FSTL4: variants seen among roughly 807,000 people sequenced by gnomAD.
FSTL4 encodes the protein follistatin-related protein 4.
A neutral mutation model predicts 78.2 loss-of-function variants in FSTL4; 28 were observed. The ratio of observed to expected loss-of-function variants is 0.36; its 90% CI spans 0.27 to 0.49. The LOEUF (loss-of-function observed/expected upper bound fraction) is 0.49. Ranked by LOEUF, FSTL4 falls within the 20% of genes least tolerant of loss-of-function variation. The pLI is 0.98. For missense variants in FSTL4, 922 were observed against 1,084.9 expected (o/e 0.85, Z 2.11); for synonymous variants, 422 against 440.5 (o/e 0.96, Z 0.53).
intron 4 of FSTL4, among the ~76,000 whole-genome samples, chr5:133,337,725 G>C (rs953664031): frequency 2.0e-5 from 3 of 152,202 alleles, no homozygotes; most frequent in Admixed American, 6.5e-5. Flanking sequence ...GGATGTTACA[G>C]AGTCGATGCT....
chr5:133,421,992 G>C (rs944660489), intron 3 of FSTL4, among the ~76,000 whole-genome samples: 2 of 152,230 alleles, frequency 1.3e-5, no homozygotes, highest in Admixed American at 1.3e-4. Flanking sequence ...AAGGTGGTCA[G>C]GGAGGGCTTC....
intron 6 of FSTL4, among the ~76,000 whole-genome samples, chr5:133,302,916 A>T (rs935944003): frequency 1.3e-5 from 2 of 152,194 alleles, no homozygotes. Flanking sequence ...AATGTTTGTC[A>T]AGCACCTACT....
chr5:133,788,586 C>A, the FSTL4 span, among the ~76,000 whole-genome samples: 1 of 152,206 alleles, frequency 6.6e-6, no homozygotes, highest in Non-Finnish European at 1.5e-5. Context: ...CCAAGTCCAG[C>A]CTCTCTGAGC....
At chr5:133,449,349 C>T (rs1446821573) in intron 3 of FSTL4, among the ~76,000 whole-genome samples, 3 of 152,168 alleles carry the variant, frequency 2.0e-5, no homozygotes, top group Middle Eastern at 3.2e-3. Context: ...TGTGGAGTTC[C>T]GTGGCATCAG....
chr5:133,676,448 GT>G, the FSTL4 span, among the ~76,000 whole-genome samples: 1 of 152,132 alleles, frequency 6.6e-6, no homozygotes, highest in African/African-American at 2.4e-5. Context: ...TTACTAATTA[GT>G]TTCTTCTTTC....
intron 6 of FSTL4, among the ~76,000 whole-genome samples, chr5:133,308,777 C>T (rs979493802): frequency 2.0e-5 from 3 of 152,146 alleles, no homozygotes; most frequent in Non-Finnish European, 4.4e-5. Context: ...TTGCCTGGAG[C>T]TTACACATGT....
the FSTL4 span, among the ~76,000 whole-genome samples, chr5:133,840,942 T>A: frequency 1.3e-5 from 2 of 152,246 alleles, no homozygotes. Context: ...CCAGGTTTGA[T>A]GGAGGCAGAG....
At chr5:133,271,656 G>A (rs1018021570) in intron 6 of FSTL4, among the ~76,000 whole-genome samples, 4 of 152,186 alleles carry the variant, frequency 2.6e-5, no homozygotes, top group African/African-American at 9.7e-5. Context: ...TAGAGAGTGA[G>A]TGAGACAAAA....
intron 3 of FSTL4, among the ~76,000 whole-genome samples, chr5:133,443,251 C>T (rs757941323): frequency 6.6e-6 from 1 of 152,228 alleles, no homozygotes; most frequent in South Asian, 2.1e-4. Flanking sequence ...TCTGAGATTT[C>T]TTCCAGGTGC....
chr5:133,727,477 G>A, the FSTL4 span, among the ~76,000 whole-genome samples: 3 of 152,178 alleles, frequency 2.0e-5, no homozygotes, highest in Admixed American at 1.3e-4. Context: ...GGCACACCTG[G>A]GGACCAGTCA....
At chr5:133,812,124 A>T in the FSTL4 span, among the ~76,000 whole-genome samples, 1 of 151,884 alleles carries the variant, frequency 6.6e-6, no homozygotes, top group Non-Finnish European at 1.5e-5. Flanking sequence ...ATAATCAGCC[A>T]CTCCACACAG....
chr5:133,709,818 A>G, the FSTL4 span, among the ~76,000 whole-genome samples: 1 of 152,230 alleles, frequency 6.6e-6, no homozygotes, highest in Admixed American at 6.5e-5. Flanking sequence ...GCTATCTGTG[A>G]GGATAGATCT....
chr5:133,664,574 A>C, the FSTL4 span, among the ~76,000 whole-genome samples: 1 of 152,164 alleles, frequency 6.6e-6, no homozygotes, highest in Non-Finnish European at 1.5e-5. Context: ...CCCACTCAGC[A>C]TCCTCTCACC....
intron 3 of FSTL4, among the ~76,000 whole-genome samples, chr5:133,536,863 C>T (rs1759359628): frequency 6.6e-6 from 1 of 152,102 alleles, no homozygotes; most frequent in South Asian, 2.1e-4. Context: ...AGAATTTATA[C>T]ATTCCTCTGT....
At chr5:133,568,128 AG>A (rs1303605690) in intron 2 of FSTL4, among the ~76,000 whole-genome samples, 3 of 152,222 alleles carry the variant, frequency 2.0e-5, no homozygotes, top group African/African-American at 7.2e-5. Context: ...ATGAAAATTC[AG>A]GGTAGCTCTA....
At chr5:133,782,171 G>C in the FSTL4 span, among the ~76,000 whole-genome samples, 2 of 152,250 alleles carry the variant, frequency 1.3e-5, no homozygotes, top group Non-Finnish European at 2.9e-5. Flanking sequence ...CAACCCATCT[G>C]TGGGAAAATA....
intron 3 of FSTL4, among the ~76,000 whole-genome samples, chr5:133,401,650 G>A (rs942776935): frequency 6.6e-6 from 1 of 152,200 alleles, no homozygotes; most frequent in African/African-American, 2.4e-5. Flanking sequence ...ATCAGGCAAA[G>A]AGCATGGGAG....
At chr5:133,630,768 G>T in the FSTL4 span, among the ~76,000 whole-genome samples, 1 of 152,166 alleles carries the variant, frequency 6.6e-6, no homozygotes, top group African/African-American at 2.4e-5. Flanking sequence ...AACCAAAACA[G>T]CATTGTACTG....
the FSTL4 span, among the ~76,000 whole-genome samples, chr5:133,632,992 T>C: frequency 6.6e-6 from 1 of 152,214 alleles, no homozygotes; most frequent in Non-Finnish European, 1.5e-5. Context: ...CTGCCCAGCC[T>C]CCACAGTTTT....
Sources: gnomAD v4.1 joint callset for allele counts (sites outside exome capture counted in the v4.1 genomes callset) on GRCh38, gnomAD v4.1.1 for gene constraint, MANE v1.5 for transcripts, NCBI Gene and HGNC (gene_info 2026-07-23, HGNC 2026-07-21) for gene names.